The following BCL2 variants were observed in gnomAD, a reference collection of about 807,000 sequenced individuals.
BCL2 encodes the protein apoptosis regulator Bcl-2.
BCL2 carries 1 observed loss-of-function variant against 14.2 expected under a neutral mutation model. The observed-to-expected ratio is 0.07, with a 90% confidence interval of 0.02 to 0.33. The LOEUF (loss-of-function observed/expected upper bound fraction) is 0.33, where lower values mean the gene tolerates loss of function less well. Among genes scored for constraint, BCL2 ranks in the 10% least tolerant of loss-of-function variants. BCL2 has a pLI of 0.99. For missense variants in BCL2, 247 were observed against 305.9 expected (o/e 0.81, Z 1.44); for synonymous variants, 151 against 137.2 (o/e 1.10, Z -0.70).
intron 2 of BCL2, among the ~76,000 whole-genome samples, chr18:63,199,268 CACA>C (rs766747787): frequency 6.7e-6 from 1 of 148,248 alleles, no homozygotes; most frequent in Non-Finnish European, 1.5e-5. Context: ...AATGCACACA[CACA>C]ACACACACAG....
chr18:63,230,500 A>C (rs898403594), intron 2 of BCL2, among the ~76,000 whole-genome samples: 6 of 152,160 alleles, frequency 3.9e-5, no homozygotes, highest in African/African-American at 1.4e-4. Context: ...AATCAATAGA[A>C]TCAAAACAGA....
At chr18:63,288,127 G>A (rs983188570) in intron 2 of BCL2, among the ~76,000 whole-genome samples, 1 of 152,084 alleles carries the variant, frequency 6.6e-6, no homozygotes, top group Admixed American at 6.5e-5. Context: ...AAAATTGTTG[G>A]GTTTTGGCAT....
chr18:63,245,501 C>A (rs1911127788), intron 2 of BCL2, among the ~76,000 whole-genome samples: 1 of 152,184 alleles, frequency 6.6e-6, no homozygotes. Context: ...ATTTCTCATA[C>A]ATAAAAGTAC....
chr18:63,195,648 A>C (rs1362341710), intron 2 of BCL2, among the ~76,000 whole-genome samples: 1 of 152,244 alleles, frequency 6.6e-6, no homozygotes, highest in Non-Finnish European at 1.5e-5. Context: ...GTTTTTATGA[A>C]TAGACTAACA....
chr18:63,300,208 C>T (rs1326715401), intron 2 of BCL2, among the ~76,000 whole-genome samples: 1 of 152,044 alleles, frequency 6.6e-6, no homozygotes, highest in African/African-American at 2.4e-5. Flanking sequence ...ACAGCAAAAA[C>T]TCCCCCTAGA....
intron 2 of BCL2, among the ~76,000 whole-genome samples, chr18:63,292,509 T>C (rs894699822): frequency 6.6e-6 from 1 of 152,200 alleles, no homozygotes; most frequent in African/African-American, 2.4e-5. Flanking sequence ...ACACGTACCA[T>C]GCTAGCTGGG....
At chr18:63,167,353 A>G (rs993761785) in intron 2 of BCL2, among the ~76,000 whole-genome samples, 2 of 152,228 alleles carry the variant, frequency 1.3e-5, no homozygotes, top group African/African-American at 4.8e-5. Flanking sequence ...GACATTTTAA[A>G]TACATAACTT....
At chr18:63,211,301 G>T (rs1909996528) in intron 2 of BCL2, among the ~76,000 whole-genome samples, 1 of 151,904 alleles carries the variant, frequency 6.6e-6, no homozygotes, top group Non-Finnish European at 1.5e-5. Context: ...CAAGTGACCT[G>T]CCTGTCTCAG....
chr18:63,262,061 T>C (rs1911675379), intron 2 of BCL2, among the ~76,000 whole-genome samples: 2 of 150,800 alleles, frequency 1.3e-5, no homozygotes, highest in South Asian at 4.2e-4. Flanking sequence ...ATTACAGGCA[T>C]GAGCCACTGC....
At chr18:63,144,538 T>A (rs1914457391) in intron 2 of BCL2, among the ~76,000 whole-genome samples, 1 of 151,310 alleles carries the variant, frequency 6.6e-6, no homozygotes, top group Non-Finnish European at 1.5e-5. Flanking sequence ...CAACTCCGGC[T>A]CCCCCGGAGC....
At chr18:63,271,957 C>T (rs962629475) in intron 2 of BCL2, among the ~76,000 whole-genome samples, 1 of 152,216 alleles carries the variant, frequency 6.6e-6, no homozygotes, top group Non-Finnish European at 1.5e-5. Context: ...TCTGCTTCCC[C>T]CTTGCTCAAA....
intron 2 of BCL2, among the ~76,000 whole-genome samples, chr18:63,225,055 G>A (rs1910506430): frequency 1.3e-5 from 2 of 152,024 alleles, no homozygotes; most frequent in South Asian, 4.2e-4. Flanking sequence ...AGAAAAGAAG[G>A]AGAACTGACA....
chr18:63,190,169 G>A (rs1187220387), intron 2 of BCL2, among the ~76,000 whole-genome samples: 1 of 152,070 alleles, frequency 6.6e-6, no homozygotes. Flanking sequence ...ATGTGAAAAA[G>A]GGTAATTTCC....
At chr18:63,317,586 G>A (rs1030084750) in intron 2 of BCL2, 2 of 991,642 alleles carry the variant, frequency 2.0e-6, no homozygotes, top group Non-Finnish European at 2.4e-6. Flanking sequence ...GGTCTTCTGT[G>A]GAGTCTATTC....
chr18:63,253,731 G>A (rs750792101), intron 2 of BCL2, among the ~76,000 whole-genome samples: 3 of 151,994 alleles, frequency 2.0e-5, no homozygotes, highest in Non-Finnish European at 2.9e-5. Context: ...TTAGAAAAAT[G>A]AGATTTTTAT....
intron 2 of BCL2, among the ~76,000 whole-genome samples, chr18:63,143,928 G>A (rs867962478): frequency 1.3e-5 from 2 of 152,272 alleles, no homozygotes; most frequent in Middle Eastern, 3.4e-3. Context: ...AGCTCCTTAA[G>A]GCAGGACATC....
chr18:63,287,058 T>C (rs1912495129), intron 2 of BCL2, among the ~76,000 whole-genome samples: 1 of 152,166 alleles, frequency 6.6e-6, no homozygotes, highest in Non-Finnish European at 1.5e-5. Flanking sequence ...GTGGCAGTTG[T>C]TCTCTTTTCT....
At chr18:63,213,011 G>A (rs1007475290) in intron 2 of BCL2, among the ~76,000 whole-genome samples, 7 of 152,208 alleles carry the variant, frequency 4.6e-5, no homozygotes, top group Non-Finnish European at 1.0e-4. Flanking sequence ...TAACTCATGT[G>A]TTGTTCATGA....
chr18:63,238,425 C>T (rs1343239179), intron 2 of BCL2, among the ~76,000 whole-genome samples: 2 of 152,194 alleles, frequency 1.3e-5, no homozygotes, highest in Non-Finnish European at 2.9e-5. Flanking sequence ...ATTTTGAGGC[C>T]TTCAAAAGTG....
Sources: allele counts gnomAD v4.1 joint callset (sites outside exome capture counted in the v4.1 genomes callset), GRCh38; gene constraint gnomAD v4.1.1; transcripts MANE v1.5; gene names NCBI Gene and HGNC (gene_info 2026-07-23, HGNC 2026-07-21).